The following SLC35F3 variants were observed in gnomAD, a reference collection of about 807,000 sequenced individuals.
SLC35F3 encodes the protein solute carrier family 35 member F3, also known as putative thiamine transporter SLC35F3.
A neutral mutation model predicts 49.9 loss-of-function variants in SLC35F3; 25 were observed. The ratio of observed to expected loss-of-function variants is 0.50; its 90% confidence interval spans 0.37 to 0.70. The LOEUF (loss-of-function observed/expected upper bound fraction) is 0.70. Among genes scored for constraint, SLC35F3 ranks in the 30% least tolerant of loss-of-function variants. The probability of loss-of-function intolerance (pLI) is 0.00; values close to 1 mark genes in which losing one functional copy is unlikely to be tolerated. For synonymous variants in SLC35F3, 275 were observed against 265.4 expected (o/e 1.04, Z -0.35); for missense variants, 525 against 639.8 (o/e 0.82, Z 1.94).
chr1:233,983,243 T>C (rs550754324), intron 2 of SLC35F3, among the ~76,000 whole-genome samples: 48 of 152,296 alleles, frequency 3.2e-4, no homozygotes, highest in African/African-American at 1.2e-3. Flanking sequence ...ATGAAACTTG[T>C]TACATTAAGA....
At chr1:234,010,088 G>A (rs1177226484) in intron 2 of SLC35F3, among the ~76,000 whole-genome samples, 2 of 152,206 alleles carry the variant, frequency 1.3e-5, no homozygotes, top group East Asian at 1.9e-4. Context: ...CATTAGGACT[G>A]CAATGGTGAC....
intron 2 of SLC35F3, among the ~76,000 whole-genome samples, chr1:234,056,321 TA>T (rs1664456345): frequency 6.6e-6 from 1 of 152,198 alleles, no homozygotes. Context: ...GACATCAATT[TA>T]TTTTTTAATT....
In SLC35F3 at chr1:233,955,878, CTT is replaced by C. The variant is rs869035917; in HGVS notation, c.283+50146_283+50147del. Among the ~76,000 whole-genome samples, 117 of 48,110 alleles carry C rather than the reference CTT, an allele frequency of 2.4e-3. No homozygotes were observed. In the East Asian group the frequency reaches 0.062, roughly 26 times the overall value. 31.6% of individuals were successfully genotyped at this position (48,110 alleles called of 152,430 possible). On this transcript the variant is annotated intron_variant, in intron 2 of 7. Coordinates refer to ENST00000366618, the MANE Select transcript of SLC35F3 (RefSeq NM_173508.4). ...GAGTCAGCAGAGGAGGTGTGGGTAT[CTT>C]TTTTTTTTTTTTTTTTTTTTTTTTT...
intron 2 of SLC35F3, among the ~76,000 whole-genome samples, chr1:234,194,634 G>T (rs1666780222): frequency 6.6e-6 from 1 of 151,930 alleles, no homozygotes; most frequent in African/African-American, 2.4e-5. Flanking sequence ...AAAAAGAAAA[G>T]AAAGAGCAGC....
intron 3 of SLC35F3, among the ~76,000 whole-genome samples, chr1:234,290,042 T>G (rs574446685): frequency 2.6e-5 from 4 of 152,190 alleles, no homozygotes; most frequent in African/African-American, 9.6e-5. Flanking sequence ...GAAAAAATAG[T>G]TATAATTTTT....
chr1:234,151,450 A>G (rs1002744870), intron 2 of SLC35F3, among the ~76,000 whole-genome samples: 1 of 152,086 alleles, frequency 6.6e-6, no homozygotes, highest in African/African-American at 2.4e-5. Flanking sequence ...ACACAATGAA[A>G]GTGTGACGGA....
chr1:234,318,216 CA>C (rs1271575247), intron 5 of SLC35F3, among the ~76,000 whole-genome samples: 1 of 151,994 alleles, frequency 6.6e-6, no homozygotes, highest in Admixed American at 6.5e-5. Context: ...AAATGATGTG[CA>C]AAAAAAGAAC....
chr1:233,947,058 A>G (rs753687336), intron 2 of SLC35F3, among the ~76,000 whole-genome samples: 3 of 152,226 alleles, frequency 2.0e-5, no homozygotes, highest in Admixed American at 1.3e-4. Flanking sequence ...TGCTTCTGCC[A>G]TCTGTTACCA....
intron 2 of SLC35F3, among the ~76,000 whole-genome samples, chr1:233,923,649 T>G (rs1055378338): frequency 2.6e-5 from 4 of 152,218 alleles, no homozygotes; most frequent in African/African-American, 9.6e-5. Context: ...TTCCTTCTCC[T>G]GCCTGATTGC....
intron 2 of SLC35F3, among the ~76,000 whole-genome samples, chr1:234,216,860 G>A (rs184709036): frequency 5.3e-5 from 8 of 152,282 alleles, no homozygotes; most frequent in East Asian, 1.9e-4. Flanking sequence ...TGCATTTTTC[G>A]TGGGATACCT....
In SLC35F3 at chr1:233,913,350, T is replaced by A. The variant is rs189235524; in HGVS notation, c.283+7592T>A. On this transcript the variant is annotated intron_variant, in intron 2 of 7. Transcript: ENST00000366618. Reference sequence around the variant, plus strand: ...CATCTGATGCCTGTCACCTTCCTCATCCAGGTCCCAGCCTAAGTGTCACCT... The same window carrying A: ...CATCTGATGCCTGTCACCTTCCTCAACCAGGTCCCAGCCTAAGTGTCACCT... 1.9e-3 allele frequency among the ~76,000 whole-genome samples: 283 copies of A among 152,300 alleles called. 2 individuals carry two copies. Among genetic ancestry groups the A allele is most frequent in the African/African-American group, 6.3e-3 (262 of 41,586 alleles).
At chr1:234,006,372 C>T (rs945581864) in intron 2 of SLC35F3, among the ~76,000 whole-genome samples, 1 of 152,220 alleles carries the variant, frequency 6.6e-6, no homozygotes, top group Non-Finnish European at 1.5e-5. Context: ...TATTTTGCTT[C>T]ACCAATTGCA....
chr1:234,108,759 AT>A (rs1370330287), intron 2 of SLC35F3, among the ~76,000 whole-genome samples: 1 of 101,694 alleles, frequency 9.8e-6, no homozygotes, highest in Non-Finnish European at 2.0e-5. Context: ...AAAGATATAT[AT>A]AAATATATAT....
rs530360283 is a variant in SLC35F3, at chr1:234,060,053, C to T, written c.283+154295C>T. ...ATCTAATCAAGTTGACAGTATTAAC[C>T]GTCACAGATCCCAGTGAAATGAAAT... On this transcript the variant is annotated intron_variant, in intron 2 of 7. Coordinates refer to ENST00000366618, the MANE Select transcript of SLC35F3 (RefSeq NM_173508.4). 5.3e-5 allele frequency among the ~76,000 whole-genome samples: 8 copies of T among 152,270 alleles called. No individual in the cohort carries two copies. The South Asian group carries it at 1.0e-3, about 20-fold the overall frequency.
chr1:234,234,488 A>G (rs1055018891), intron 3 of SLC35F3, among the ~76,000 whole-genome samples: 10 of 148,526 alleles, frequency 6.7e-5, no homozygotes, highest in African/African-American at 2.4e-4. Context: ...GTCTGAGTGG[A>G]TCTGAGATTC....
chr1:234,318,471 A>G (rs1329746129), intron 5 of SLC35F3, among the ~76,000 whole-genome samples: 1 of 152,210 alleles, frequency 6.6e-6, no homozygotes. Context: ...TTAGTGATGT[A>G]GTGTCAGGAA....
At chr1:234,244,514 A>C (rs1448326518) in intron 3 of SLC35F3, among the ~76,000 whole-genome samples, 1 of 152,236 alleles carries the variant, frequency 6.6e-6, no homozygotes, top group South Asian at 2.1e-4. Context: ...CTCTGTCCTT[A>C]TAAGAAGCTG....
At chr1:234,234,770 C>G (rs1423265359) in intron 3 of SLC35F3, among the ~76,000 whole-genome samples, 1 of 152,182 alleles carries the variant, frequency 6.6e-6, no homozygotes, top group East Asian at 1.9e-4. Context: ...GTCCTCAAAG[C>G]TCTCAGAGCC....
At chr1:234,155,792 A>AAAAAC (rs1553310215) in intron 2 of SLC35F3, among the ~76,000 whole-genome samples, 1 of 150,974 alleles carries the variant, frequency 6.6e-6, no homozygotes, top group East Asian at 2.0e-4. Flanking sequence ...CAAAAAAAAA[A>AAAAAC]CCCCAAAAAC....
Sources: allele counts gnomAD v4.1 joint callset (sites outside exome capture counted in the v4.1 genomes callset), GRCh38; gene constraint gnomAD v4.1.1; transcripts MANE v1.5; gene names NCBI Gene and HGNC (gene_info 2026-07-23, HGNC 2026-07-21).